ATP10B: variants seen among roughly 807,000 people sequenced by gnomAD.
ATP10B encodes the protein ATPase phospholipid transporting 10B (putative).
A neutral mutation model predicts 141.2 loss-of-function variants in ATP10B; 122 were observed. The ratio of observed to expected loss-of-function variants is 0.86; its 90% CI spans 0.75 to 1.00. ATP10B has a LOEUF of 1.00. ATP10B is among the 50% of genes least tolerant of loss of function. The probability of loss-of-function intolerance (pLI) is 0.00; values close to 1 mark genes in which losing one functional copy is unlikely to be tolerated. For missense variants in ATP10B, 1,876 were observed against 1,825.3 expected (o/e 1.03, Z -0.51); for synonymous variants, 685 against 692.0 (o/e 0.99, Z 0.16).
At chr5:160,593,168 C>T (rs1756440461) in intron 22 of ATP10B, among the ~76,000 whole-genome samples, 2 of 152,204 alleles carry the variant, frequency 1.3e-5, no homozygotes, top group African/African-American at 2.4e-5. Context: ...GGCACCCCCT[C>T]AGTAGGCGCA....
At chr5:160,903,323 A>T in the ATP10B span, among the ~76,000 whole-genome samples, 1 of 152,190 alleles carries the variant, frequency 6.6e-6, no homozygotes, top group African/African-American at 2.4e-5. Context: ...CAGGTTGCAG[A>T]TACCAGAGCT....
intron 1 of ATP10B, among the ~76,000 whole-genome samples, chr5:160,829,797 G>A (rs2127974993): frequency 6.6e-6 from 1 of 152,106 alleles, no homozygotes; most frequent in Non-Finnish European, 1.5e-5. Context: ...TTTGTATATT[G>A]ATTTCATATC....
chr5:160,719,316 T>A (rs1581410561), intron 2 of ATP10B, among the ~76,000 whole-genome samples: 2 of 152,110 alleles, frequency 1.3e-5, no homozygotes, highest in Admixed American at 1.3e-4. Context: ...AGGAGAATGG[T>A]GTGAACCCGG....
At chr5:160,653,613 ACATATATATTATATATACATATAT>A (rs1761137336) in intron 7 of ATP10B, among the ~76,000 whole-genome samples, 1 of 32,358 alleles carries the variant, frequency 3.1e-5, no homozygotes, top group Non-Finnish European at 8.8e-5. Context: ...ATACATATAT[ACATATATATTATATATACATATAT>A]ACATATATAT....
intron 2 of ATP10B, among the ~76,000 whole-genome samples, chr5:160,723,561 A>G (rs1362022151): frequency 3.9e-5 from 6 of 152,112 alleles, no homozygotes; most frequent in Non-Finnish European, 5.9e-5. Flanking sequence ...TTTGTCCCCA[A>G]ATGGCCATGG....
intron 1 of ATP10B, among the ~76,000 whole-genome samples, chr5:160,820,218 C>G (rs779783963): frequency 1.3e-5 from 2 of 151,384 alleles, no homozygotes; most frequent in Non-Finnish European, 2.9e-5. Context: ...CACAGAAATT[C>G]AAAGTATCAT....
intron 13 of ATP10B, 113 bp downstream of exon 13, chr5:160,632,016 C>G (rs1581230225): frequency 1.1e-6 from 1 of 935,122 alleles, no homozygotes; most frequent in Non-Finnish European, 1.6e-6. Context: ...ACCAAGGGCA[C>G]CATTTTGAAA....
At position 160,569,626 on chromosome 5, in the gene ATP10B, G is replaced by A. The variant is rs768360553; in HGVS notation, c.3808C>T (p.Leu1270Phe). The A allele has an allele frequency of 6.2e-7, 1 of 1,610,268 alleles. No homozygotes were observed. The highest frequency in any genetic ancestry group is 2.2e-5 in the East Asian group (1 of 44,718). ...ATGACGCAGGTGGCATTGTACAGGA[G>A]GGATACCAGAAAGTACATCAGGAAG... ...GSFLMYFLVSLLYNATCVICN... is the reference protein window; with the variant it reads ...GSFLMYFLVSFLYNATCVICN... The change falls in exon 25 of 26, where the codon CTC (leucine) becomes TTC (phenylalanine). Residue 1270 changes from leucine to phenylalanine, a missense_variant. Transcript: ENST00000327245.
chr5:160,683,192 G>A (rs1298225881), intron 6 of ATP10B, among the ~76,000 whole-genome samples: 2 of 152,032 alleles, frequency 1.3e-5, no homozygotes, highest in Non-Finnish European at 2.9e-5. Flanking sequence ...GGCGAGGAAC[G>A]ACTAAATGTT....
intron 25 of ATP10B, among the ~76,000 whole-genome samples, chr5:160,569,171 C>G (rs1033777023): frequency 6.6e-6 from 1 of 152,104 alleles, no homozygotes; most frequent in Non-Finnish European, 1.5e-5. Context: ...AATAAAGGAC[C>G]ATAGAGCTTC....
At chr5:160,852,506 G>A (rs542832674), upstream of ATP10B, among the ~76,000 whole-genome samples, 5 of 152,094 alleles carry the variant, frequency 3.3e-5, no homozygotes, top group South Asian at 1.0e-3. Flanking sequence ...GGGTTTCAAG[G>A]GCACTTAAGA....
chr5:160,849,554 C>G lies in ATP10B; in HGVS notation c.-576+2387G>C, dbSNP rs547182523. ...TTAATATTCTTTCTCATCTGGTTCT[C>G]TTAGTAGTAACTAGCAATTATTAAG... On this transcript the variant is annotated intron_variant, in intron 1 of 25. Coordinates refer to ENST00000327245, the MANE Select transcript of ATP10B (RefSeq NM_025153.3). Among the ~76,000 whole-genome samples, 8 of 151,864 alleles carry G rather than the reference C, an allele frequency of 5.3e-5. No individual in the cohort carries two copies. In the South Asian group the frequency reaches 1.5e-3, roughly 28 times the overall value.
chr5:160,813,703 C>A (rs912506591), intron 1 of ATP10B, among the ~76,000 whole-genome samples: 6 of 152,198 alleles, frequency 3.9e-5, no homozygotes, highest in Non-Finnish European at 8.8e-5. Flanking sequence ...GGTCCCTGAC[C>A]CCTGAGTAGC....
intron 2 of ATP10B, among the ~76,000 whole-genome samples, chr5:160,770,454 C>T (rs947565444): frequency 1.3e-5 from 2 of 151,906 alleles, no homozygotes; most frequent in Non-Finnish European, 2.9e-5. Flanking sequence ...TTTCCTTTTC[C>T]TTAGGCTTAA....
At chr5:160,684,507 G>C (rs1372288785) in intron 6 of ATP10B, among the ~76,000 whole-genome samples, 1 of 152,132 alleles carries the variant, frequency 6.6e-6, no homozygotes, top group South Asian at 2.1e-4. Flanking sequence ...TTCCCTCCCA[G>C]TGTCCTCAAC....
chr5:160,751,989 T>C (rs558183045), intron 2 of ATP10B, among the ~76,000 whole-genome samples: 1 of 152,250 alleles, frequency 6.6e-6, no homozygotes, highest in South Asian at 2.1e-4. Context: ...ATCCCCCTAA[T>C]TGGCTATATG....
intron 5 of ATP10B, among the ~76,000 whole-genome samples, chr5:160,687,460 C>T (rs1286244159): frequency 6.6e-6 from 1 of 152,158 alleles, no homozygotes. Flanking sequence ...GTGGTAAATA[C>T]TTGTTTAAAA....
In ATP10B at chr5:160,707,546, C is replaced by CT. The variant is rs139233632; in HGVS notation, c.-205+9362dup. ...CATAGCCATGAGACAATATCACATA[C>CT]TTTTTTTAAATTGTAATATGCGCAT... On this transcript the variant is annotated intron_variant, in intron 3 of 25. Coordinates refer to ENST00000327245, the MANE Select transcript of ATP10B (RefSeq NM_025153.3). Among the ~76,000 whole-genome samples, 24 of 152,314 alleles carry CT rather than the reference C, an allele frequency of 1.6e-4. No homozygotes were observed. The South Asian group carries it at 1.7e-3, about 11-fold the overall frequency.
chr5:160,687,953 T>C lies in ATP10B; in HGVS notation c.122A>G (p.Asn41Ser). 1 of 1,614,102 alleles carries C rather than the reference T, an allele frequency of 6.2e-7. No homozygotes were observed. The highest frequency in any genetic ancestry group is 1.1e-5 in the South Asian group (1 of 91,062). The change falls in exon 5 of 26, where the codon AAC becomes AGC. Residue 41 changes from asparagine (N) to serine (S), a missense_variant. Asn to Ser is a conservative substitution (Grantham distance 46). Transcript: ENST00000327245. ...LSPEKGRQSYNLTQQRVVFPN... is the reference protein window; with the variant it reads ...LSPEKGRQSYSLTQQRVVFPN... The stretch of plus-strand genomic sequence containing the variant: ...GAACACGACCCGCTGCTGTGTCAAG[T>C]TGTAGCTCTGTCTCCCTTTCTCTGG...
Sources: gnomAD v4.1 joint callset for allele counts (sites outside exome capture counted in the v4.1 genomes callset) on GRCh38, gnomAD v4.1.1 for gene constraint, MANE v1.5 for transcripts, NCBI Gene and HGNC (gene_info 2026-07-23, HGNC 2026-07-21) for gene names.